The following PDE10A variants were observed in gnomAD, a reference collection of about 807,000 sequenced individuals.
PDE10A encodes the protein cAMP and cAMP-inhibited cGMP 3',5'-cyclic phosphodiesterase 10A.
PDE10A carries 39 observed loss-of-function variants against 97.7 expected under a neutral mutation model. That is an observed-to-expected ratio of 0.40 (90% CI 0.31 to 0.52). The LOEUF is 0.52. PDE10A is among the 20% of genes least tolerant of loss of function. The pLI is 0.56. For missense variants in PDE10A, 731 were observed against 1,047.8 expected, an observed-to-expected ratio of 0.70 and a Z score of 4.17; for synonymous variants, 371 against 376.8, an observed-to-expected ratio of 0.98 and a Z score of 0.18.
intron 1 of PDE10A, among the ~76,000 whole-genome samples, chr6:165,687,491 G>A (rs1191416915): frequency 1.3e-5 from 2 of 152,170 alleles, no homozygotes; most frequent in East Asian, 3.8e-4. Context: ...TTTAACTATT[G>A]TTTAACCAAC....
At chr6:165,758,478 G>A (rs1414007217) in intron 1 of PDE10A, among the ~76,000 whole-genome samples, 1 of 120,466 alleles carries the variant, frequency 8.3e-6, no homozygotes. Context: ...GAAGAAGAAA[G>A]AAGAAAGGAG....
intron 2 of PDE10A, among the ~76,000 whole-genome samples, chr6:165,532,856 ATTTAACACTTGCTTAC>A (rs749121096): frequency 2.2e-4 from 33 of 152,116 alleles, no homozygotes; most frequent in Non-Finnish European, 3.2e-4. Context: ...ACACCATCCC[ATTTAACACTTGCTTAC>A]ACACCGGAGT....
chr6:165,525,838 G>C (rs973735897), intron 2 of PDE10A, among the ~76,000 whole-genome samples: 24 of 137,826 alleles, frequency 1.7e-4, no homozygotes, highest in Admixed American at 5.0e-4. Flanking sequence ...TCTGGCATTG[G>C]CTAACTAATC....
intron 1 of PDE10A, among the ~76,000 whole-genome samples, chr6:165,873,572 G>A (rs576222771): frequency 2.0e-5 from 3 of 152,174 alleles, no homozygotes; most frequent in Admixed American, 2.0e-4. Context: ...ACTGAGCTTT[G>A]TATTACAGAT....
chr6:165,613,863 C>A (rs377064792), intron 1 of PDE10A, among the ~76,000 whole-genome samples: 14 of 152,240 alleles, frequency 9.2e-5, no homozygotes, highest in African/African-American at 3.1e-4. Context: ...ATCTGTCCAA[C>A]AAATACTTCA....
chr6:165,949,948 T>C (rs1783900426), intron 1 of PDE10A: 1 of 152,208 alleles, frequency 6.6e-6, no homozygotes, highest in Non-Finnish European at 1.5e-5. Context: ...AAAACTAAAA[T>C]TTTATTTAAT....
At position 165,726,794 on chromosome 6, in the gene PDE10A, C is replaced by T. The variant is rs1236615946; in HGVS notation, c.-614-183226G>A. Among the ~76,000 whole-genome samples, 8 of 144,620 alleles carry T rather than the reference C, an allele frequency of 5.5e-5. No individual in the cohort carries two copies. In the East Asian group the frequency reaches 1.6e-3, roughly 29 times the overall value. 94.9% of individuals were successfully genotyped at this position (144,620 alleles called of 152,430 possible). On this transcript the variant is annotated intron_variant, in intron 1 of 19. Coordinates refer to the PDE10A transcript ENST00000366882. Reference sequence around the variant, plus strand: ...CGGTTCTCCCTCGCGGGATCGAACCCGCAGTTCAGCGTCTTAACCAGCCCA... The same window carrying T: ...CGGTTCTCCCTCGCGGGATCGAACCTGCAGTTCAGCGTCTTAACCAGCCCA...
intron 1 of PDE10A, among the ~76,000 whole-genome samples, chr6:165,849,908 C>T (rs564399692): frequency 1.3e-5 from 2 of 152,188 alleles, no homozygotes; most frequent in African/African-American, 2.4e-5. Flanking sequence ...AAGCAGCCCA[C>T]GTACTTTCTG....
intron 18 of PDE10A, among the ~76,000 whole-genome samples, chr6:165,360,272 TA>T (rs1463845234): frequency 6.6e-6 from 1 of 152,072 alleles, no homozygotes; most frequent in Non-Finnish European, 1.5e-5. Context: ...CCACCCCAGG[TA>T]TGAGAAACTC....
chr6:165,421,170 G>A (rs1406108151), intron 10 of PDE10A, among the ~76,000 whole-genome samples: 1 of 152,184 alleles, frequency 6.6e-6, no homozygotes, highest in Non-Finnish European at 1.5e-5. Flanking sequence ...GCCTGGGTGT[G>A]GTGGCTCATG....
intron 3 of PDE10A, among the ~76,000 whole-genome samples, chr6:165,466,503 T>A (rs186743209): frequency 2.6e-5 from 4 of 152,376 alleles, no homozygotes; most frequent in Admixed American, 2.0e-4. Context: ...AGATATTGCA[T>A]GTTTTACAAA....
At chr6:165,670,864 T>C (rs1790628275) in intron 1 of PDE10A, among the ~76,000 whole-genome samples, 1 of 152,198 alleles carries the variant, frequency 6.6e-6, no homozygotes, top group South Asian at 2.1e-4. Context: ...AGAACTTAAG[T>C]GGCAAAAGGA....
chr6:165,431,651 T>A (rs13211782), intron 7 of PDE10A, among the ~76,000 whole-genome samples, 179 bp from the exon 8 acceptor site: 48,153 of 148,402 alleles, frequency 0.32, 8,337 homozygotes, highest in South Asian at 0.49. Context: ...CACACACTAC[T>A]TGTAGTCATC....
intron 1 of PDE10A, among the ~76,000 whole-genome samples, chr6:165,788,677 T>C (rs1404862824): frequency 6.6e-6 from 1 of 152,136 alleles, no homozygotes; most frequent in East Asian, 1.9e-4. Context: ...GTCCTCATCC[T>C]TGAAGAAAGA....
intron 1 of PDE10A, among the ~76,000 whole-genome samples, chr6:165,885,859 G>T (rs6932405): frequency 0.24 from 36,893 of 152,210 alleles, 5,173 homozygotes; most frequent in African/African-American, 0.38. Flanking sequence ...AGGGAAGACA[G>T]AAAGTCTCAA....
intron 1 of PDE10A, among the ~76,000 whole-genome samples, chr6:165,952,739 G>C (rs747273787): frequency 4.6e-5 from 7 of 152,018 alleles, no homozygotes; most frequent in African/African-American, 1.7e-4. Context: ...AGAATCCTCC[G>C]CATCCTCCAG....
chr6:165,812,181 T>C (rs988075489), intron 1 of PDE10A, among the ~76,000 whole-genome samples: 13 of 152,162 alleles, frequency 8.5e-5, no homozygotes, highest in African/African-American at 3.1e-4. Flanking sequence ...AACCACCTCA[T>C]GTTCTTTCAG....
At chr6:165,566,028 A>C (rs1267345013) in intron 1 of PDE10A, among the ~76,000 whole-genome samples, 1 of 152,210 alleles carries the variant, frequency 6.6e-6, no homozygotes, top group Non-Finnish European at 1.5e-5. Flanking sequence ...CATGTCATTT[A>C]CTTTTTAGAA....
chr6:165,591,437 T>G (rs1562609761), intron 1 of PDE10A, among the ~76,000 whole-genome samples: 1 of 152,254 alleles, frequency 6.6e-6, no homozygotes, highest in African/African-American at 2.4e-5. Flanking sequence ...GCTTTGCTGT[T>G]ACTCTGCTCT....
Sources: gnomAD v4.1 joint callset for allele counts (sites outside exome capture counted in the v4.1 genomes callset) on GRCh38, gnomAD v4.1.1 for gene constraint, MANE v1.5 for transcripts, NCBI Gene and HGNC (gene_info 2026-07-23, HGNC 2026-07-21) for gene names.